PTPRD: variants seen among roughly 807,000 people sequenced by gnomAD.
PTPRD encodes protein tyrosine phosphatase receptor type D, also known as receptor-type tyrosine-protein phosphatase delta.
PTPRD carries 34 observed loss-of-function variants against 214.5 expected under a neutral mutation model. The observed-to-expected ratio is 0.16, with a 90% CI of 0.12 to 0.21. PTPRD has a LOEUF of 0.21. Ranked by LOEUF, PTPRD falls within the 10% of genes least tolerant of loss-of-function variation. PTPRD has a pLI of 1.00. For synonymous variants in PTPRD, 1,128 were observed against 845.7 expected, an observed-to-expected ratio of 1.33 and a Z score of -5.79; for missense variants, 2,545 against 2,398.7, an observed-to-expected ratio of 1.06 and a Z score of -1.27.
intron 4 of PTPRD, among the ~76,000 whole-genome samples, chr9:9,986,620 T>G (rs1323642906): frequency 1.3e-5 from 2 of 152,118 alleles, no homozygotes; most frequent in East Asian, 3.9e-4. Context: ...TTACCTAAAT[T>G]TTTAGGTTGA....
chr9:9,584,169 C>T (rs1338261417), intron 7 of PTPRD, among the ~76,000 whole-genome samples: 4 of 151,826 alleles, frequency 2.6e-5, no homozygotes, highest in Admixed American at 6.6e-5. Flanking sequence ...CTATGTAAAG[C>T]TTCCTAAGCC....
intron 12 of PTPRD, among the ~76,000 whole-genome samples, chr9:8,641,642 C>A (rs926445588): frequency 2.6e-5 from 4 of 152,054 alleles, no homozygotes; most frequent in African/African-American, 7.3e-5. Flanking sequence ...ATGTGTCTGC[C>A]AGGCTCGCTT....
At chr9:8,358,647 C>CT (rs887982245) in intron 39 of PTPRD, among the ~76,000 whole-genome samples, 4 of 152,178 alleles carry the variant, frequency 2.6e-5, no homozygotes, top group East Asian at 1.9e-4. Context: ...TTTCAGTACT[C>CT]TTTTTTCTAT....
intron 11 of PTPRD, among the ~76,000 whole-genome samples, chr9:8,766,696 G>C (rs919053960): frequency 2.0e-5 from 3 of 152,074 alleles, no homozygotes; most frequent in South Asian, 2.1e-4. Flanking sequence ...CCACCACTAG[G>C]AGCATCATCA....
Position 8,411,866 on chromosome 9 carries a change from G to T in PTPRD, c.4087-7206C>A, listed in dbSNP as rs143646943. ...TATATAGTTGATGTTCTTAAGAATA[G>T]AATGTGTCATTGGAAATCACTTTAC... On this transcript the variant is annotated intron_variant, in intron 35 of 45. Coordinates refer to ENST00000381196, the MANE Select transcript of PTPRD (RefSeq NM_002839.4). Among the ~76,000 whole-genome samples the T allele has an allele frequency of 8.6e-3, 1,316 of 152,228 alleles. 22 individuals are homozygous for T. Among genetic ancestry groups the T allele is most frequent in the African/African-American group, 0.03 (1,249 of 41,512 alleles).
chr9:9,811,344 A>C (rs760764622), intron 5 of PTPRD, among the ~76,000 whole-genome samples: 3 of 152,220 alleles, frequency 2.0e-5, no homozygotes, highest in Non-Finnish European at 4.4e-5. Flanking sequence ...GTGGAGCCTG[A>C]AGATGGGACA....
intron 7 of PTPRD, among the ~76,000 whole-genome samples, chr9:9,661,387 A>G (rs376001113): frequency 1.1e-4 from 17 of 152,000 alleles, no homozygotes; most frequent in African/African-American, 3.9e-4. Flanking sequence ...TCTCTTTCTT[A>G]AATGTTTTCA....
intron 12 of PTPRD, among the ~76,000 whole-genome samples, chr9:8,721,936 C>G (rs1306984324): frequency 6.6e-6 from 1 of 152,194 alleles, no homozygotes; most frequent in East Asian, 1.9e-4. Flanking sequence ...CTTTCACAAG[C>G]AACATCAGTG....
chr9:8,555,171 A>G (rs528872309), intron 14 of PTPRD, among the ~76,000 whole-genome samples: 2 of 152,236 alleles, frequency 1.3e-5, no homozygotes, highest in East Asian at 1.9e-4. Context: ...AATCACACCA[A>G]TTTGGGAGGA....
chr9:10,237,743 T>G (rs1352969907), intron 3 of PTPRD, among the ~76,000 whole-genome samples: 1 of 151,838 alleles, frequency 6.6e-6, no homozygotes, highest in African/African-American at 2.4e-5. Flanking sequence ...ATCCAGAAGA[T>G]AGTGAAGAGA....
intron 7 of PTPRD, among the ~76,000 whole-genome samples, chr9:9,635,736 T>G (rs1018083400): frequency 6.6e-6 from 1 of 152,202 alleles, no homozygotes; most frequent in Non-Finnish European, 1.5e-5. Context: ...CCAGAAGTCA[T>G]TGTCAACACC....
intron 5 of PTPRD, among the ~76,000 whole-genome samples, chr9:9,850,936 G>C (rs946039632): frequency 5.9e-5 from 9 of 152,068 alleles, no homozygotes; most frequent in Non-Finnish European, 1.0e-4. Context: ...AAAAGGCTTT[G>C]GAAAATGTTA....
chr9:8,879,196 A>G (rs759672756), intron 11 of PTPRD, among the ~76,000 whole-genome samples: 2 of 152,140 alleles, frequency 1.3e-5, no homozygotes, highest in Non-Finnish European at 2.9e-5. Context: ...TCAGGAAAAT[A>G]AGATCTGTTA....
intron 10 of PTPRD, among the ~76,000 whole-genome samples, chr9:9,160,094 A>C (rs2099885166): frequency 6.6e-6 from 1 of 152,184 alleles, no homozygotes; most frequent in Non-Finnish European, 1.5e-5. Flanking sequence ...ACAACTATAA[A>C]TCTTAGAGAG....
At chr9:9,392,769 T>A (rs546120121) in intron 9 of PTPRD, among the ~76,000 whole-genome samples, 1 of 152,346 alleles carries the variant, frequency 6.6e-6, no homozygotes, top group African/African-American at 2.4e-5. Context: ...AATTTGTCTA[T>A]GATGTCTCTT....
chr9:9,695,655 G>C (rs1238738207), intron 7 of PTPRD, among the ~76,000 whole-genome samples: 1 of 152,130 alleles, frequency 6.6e-6, no homozygotes, highest in Non-Finnish European at 1.5e-5. Context: ...TCTATGAAAT[G>C]ATCAAATGTG....
intron 8 of PTPRD, among the ~76,000 whole-genome samples, chr9:9,432,407 T>C (rs2083553871): frequency 6.6e-6 from 1 of 152,218 alleles, no homozygotes; most frequent in African/African-American, 2.4e-5. Flanking sequence ...AAAGACAAAC[T>C]TACAATTATT....
chr9:8,859,433 T>C (rs913072750), intron 11 of PTPRD, among the ~76,000 whole-genome samples: 1 of 152,194 alleles, frequency 6.6e-6, no homozygotes, highest in Non-Finnish European at 1.5e-5. Flanking sequence ...GAAGCCACCA[T>C]TGGCAGTTGG....
At chr9:9,642,165 A>G (rs1036142882) in intron 7 of PTPRD, among the ~76,000 whole-genome samples, 39 of 146,130 alleles carry the variant, frequency 2.7e-4, no homozygotes, top group Non-Finnish European at 2.4e-4. Flanking sequence ...TATCGCAAGA[A>G]CAAAAAACCA....
Sources: gnomAD v4.1 joint callset for allele counts (sites outside exome capture counted in the v4.1 genomes callset) on GRCh38, gnomAD v4.1.1 for gene constraint, MANE v1.5 for transcripts, NCBI Gene and HGNC (gene_info 2026-07-23, HGNC 2026-07-21) for gene names.